The following PHACTR3 variants were observed in gnomAD, a reference collection of about 807,000 sequenced individuals.
The protein encoded by PHACTR3 is protein phosphatase 1, regulatory subunit 123.
A neutral mutation model predicts 66.8 loss-of-function variants in PHACTR3; 16 were observed. That is an observed-to-expected ratio of 0.24 (90% CI 0.16 to 0.36). The LOEUF is 0.36. PHACTR3 is among the 10% of genes least tolerant of loss of function. The probability of loss-of-function intolerance (pLI) is 1.00; values close to 1 mark genes in which losing one functional copy is unlikely to be tolerated. For missense variants in PHACTR3, 647 were observed against 719.9 expected, an observed-to-expected ratio of 0.90 and a Z score of 1.16; for synonymous variants, 323 against 292.1, an observed-to-expected ratio of 1.11 and a Z score of -1.08.
chr20:59,806,508 C>T (rs2041575205), intron 8 of PHACTR3, among the ~76,000 whole-genome samples: 1 of 152,236 alleles, frequency 6.6e-6, no homozygotes, highest in Non-Finnish European at 1.5e-5. Context: ...CCTGTAGCAG[C>T]CAGGCAAGGA....
chr20:59,810,121 C>T (rs1238833494), intron 8 of PHACTR3, among the ~76,000 whole-genome samples: 2 of 152,268 alleles, frequency 1.3e-5, no homozygotes, highest in African/African-American at 4.8e-5. Context: ...GAAGATAGTA[C>T]ATGTGGTTCA....
At chr20:59,772,644 G>A (rs1228271802) in intron 5 of PHACTR3, among the ~76,000 whole-genome samples, 1 of 152,214 alleles carries the variant, frequency 6.6e-6, no homozygotes, top group Non-Finnish European at 1.5e-5. Flanking sequence ...TGAAGAGAGT[G>A]AGGTGGAGAT....
Position 59,604,633 on chromosome 20 carries a change from A to G in PHACTR3, c.-382A>G, listed in dbSNP as rs980030691. The stretch of plus-strand genomic sequence containing the variant: ...GTGGGGGGAGGGAGCGCCCCCAGAC[A>G]TTCCAGGACATCACCCCCTGCCCCA... On this transcript the variant is annotated 5_prime_UTR_variant, in exon 1 of 13. Coordinates refer to ENST00000371015, the MANE Select transcript of PHACTR3 (RefSeq NM_080672.5). 3 of 983,530 alleles carry G rather than the reference A, an allele frequency of 3.1e-6. No homozygotes were observed. The South Asian group carries it at 1.4e-4, about 46-fold the overall frequency. The allele number at this position is 983,530 out of a possible 1,614,324, so 60.9% of individuals were successfully genotyped here.
chr20:59,816,337 C>T (rs1181559160), intron 8 of PHACTR3, among the ~76,000 whole-genome samples: 9 of 152,146 alleles, frequency 5.9e-5, no homozygotes, highest in Non-Finnish European at 7.4e-5. Context: ...GCTAGGTTGC[C>T]CCAGATGGGT....
chr20:59,837,420 T>A (rs2058986010), intron 9 of PHACTR3, among the ~76,000 whole-genome samples: 1 of 152,208 alleles, frequency 6.6e-6, no homozygotes, highest in South Asian at 2.1e-4. Context: ...GAGCCCCTTG[T>A]TGGTCTGGGT....
At chr20:59,607,484 T>G (rs1016952178) in intron 1 of PHACTR3, among the ~76,000 whole-genome samples, 3 of 152,230 alleles carry the variant, frequency 2.0e-5, no homozygotes, top group Non-Finnish European at 4.4e-5. Context: ...ATCTAAATTC[T>G]ATAATTTAAT....
chr20:59,784,305 T>C (rs1160057960), intron 7 of PHACTR3, among the ~76,000 whole-genome samples: 1 of 137,978 alleles, frequency 7.2e-6, no homozygotes, highest in African/African-American at 3.4e-5. Flanking sequence ...CATATATGTG[T>C]GTGTGTGGAT....
At chr20:59,606,305 C>T (rs2033668352) in intron 1 of PHACTR3, among the ~76,000 whole-genome samples, 1 of 8,408 alleles carries the variant, frequency 1.2e-4, no homozygotes, top group Non-Finnish European at 5.7e-4. Context: ...TGGATCCCTC[C>T]CCCCCCCATT....
chr20:59,833,463 A>T (rs2042444388), intron 8 of PHACTR3, among the ~76,000 whole-genome samples: 1 of 152,150 alleles, frequency 6.6e-6, no homozygotes, highest in Admixed American at 6.5e-5. Context: ...TGTCACAAAC[A>T]TTTTTGTGCA....
chr20:59,836,170 A>C (rs998246755), intron 8 of PHACTR3: 3 of 220,068 alleles, frequency 1.4e-5, no homozygotes, highest in Non-Finnish European at 2.6e-5. Context: ...TTTCCTGAAC[A>C]GATCTCCTCG....
chr20:59,773,412 G>A lies in PHACTR3; in HGVS notation c.885G>A (p.Glu295=). ...CTCTTCCCCCAAGCCGCGTCATTGA[G>A]GAGCTGCACAGGGCGCTGGCCACGA... ...HRPLPPSRVI[E]ELHRALATKH... The change falls in exon 6 of 13, where the codon GAG becomes GAA. Residue 295 remains glutamate, a synonymous_variant. Transcript: ENST00000371015. 2 of 1,613,994 alleles carry A rather than the reference G, an allele frequency of 1.2e-6. No homozygotes were observed. Among genetic ancestry groups the A allele is most frequent in the Non-Finnish European group, 1.7e-6 (2 of 1,179,982 alleles).
chr20:59,710,183 G>A (rs533997922), intron 1 of PHACTR3, among the ~76,000 whole-genome samples: 1 of 152,208 alleles, frequency 6.6e-6, no homozygotes, highest in African/African-American at 2.4e-5. Flanking sequence ...TGAATCAAAA[G>A]GCTTATCTTA....
chr20:59,819,762 G>A (rs966325934), intron 8 of PHACTR3, among the ~76,000 whole-genome samples: 7 of 144,850 alleles, frequency 4.8e-5, no homozygotes, highest in Admixed American at 2.1e-4. Flanking sequence ...GTGCTGTCCC[G>A]GTACTGGCCA....
chr20:59,776,927 C>A (rs2040559758), intron 7 of PHACTR3, among the ~76,000 whole-genome samples: 1 of 152,192 alleles, frequency 6.6e-6, no homozygotes, highest in Non-Finnish European at 1.5e-5. Flanking sequence ...CTGGTCACAG[C>A]CAGCTGTGTT....
At chr20:59,589,990 G>T (rs989015266) in intron 1 of PHACTR3, among the ~76,000 whole-genome samples, 3 of 152,240 alleles carry the variant, frequency 2.0e-5, no homozygotes, top group African/African-American at 7.2e-5. Context: ...CTCCGCTTCT[G>T]TAGGCAGCTG....
intron 1 of PHACTR3, among the ~76,000 whole-genome samples, chr20:59,726,538 G>A (rs888624944): frequency 2.6e-5 from 4 of 152,152 alleles, no homozygotes; most frequent in African/African-American, 9.7e-5. Context: ...GCTCTTATAG[G>A]TTGGCTTTGT....
At chr20:59,613,554 G>A (rs1477073288) in intron 1 of PHACTR3, among the ~76,000 whole-genome samples, 5 of 152,206 alleles carry the variant, frequency 3.3e-5, no homozygotes, top group Non-Finnish European at 5.9e-5. Context: ...TTGTTTGTTT[G>A]TTTGCTTAAG....
chr20:59,758,696 C>G (rs539372695), intron 4 of PHACTR3, among the ~76,000 whole-genome samples: 1 of 152,254 alleles, frequency 6.6e-6, no homozygotes, highest in East Asian at 1.9e-4. Context: ...AATGCTGGCA[C>G]AAAAGTCGAA....
chr20:59,757,949 G>A (rs191237378), intron 4 of PHACTR3, among the ~76,000 whole-genome samples: 1 of 152,272 alleles, frequency 6.6e-6, no homozygotes, highest in East Asian at 1.9e-4. Flanking sequence ...CAGTCTGGGC[G>A]ACAGAGCCAG....
Sources: allele counts gnomAD v4.1 joint callset (sites outside exome capture counted in the v4.1 genomes callset), GRCh38; gene constraint gnomAD v4.1.1; transcripts MANE v1.5; gene names NCBI Gene and HGNC (gene_info 2026-07-23, HGNC 2026-07-21).